The following FUT8 variants were observed in gnomAD, a reference collection of about 807,000 sequenced individuals.
FUT8 encodes fucosyltransferase 8, also known as alpha-(1,6)-fucosyltransferase.
In FUT8, 29 loss-of-function variants were observed where a neutral mutation model predicts 71.3. That is an observed-to-expected ratio of 0.41 (90% confidence interval 0.30 to 0.55). The LOEUF is 0.55. Among genes scored for constraint, FUT8 ranks in the 20% least tolerant of loss-of-function variants. FUT8 has a pLI of 0.34. For missense variants in FUT8, 544 were observed against 702.1 expected (o/e 0.77, Z 2.55); for synonymous variants, 254 against 239.3 (o/e 1.06, Z -0.57).
chr14:65,586,858 G>T (rs1440776939), intron 3 of FUT8, among the ~76,000 whole-genome samples: 1 of 152,086 alleles, frequency 6.6e-6, no homozygotes, highest in African/African-American at 2.4e-5. Context: ...TATTTGAGGG[G>T]TTTTCCCCCC....
At chr14:65,718,026 A>G (rs190435416) in intron 7 of FUT8, among the ~76,000 whole-genome samples, 137 of 152,086 alleles carry the variant, frequency 9.0e-4, no homozygotes, top group African/African-American at 2.9e-3. Flanking sequence ...CAGCCACTCT[A>G]TGTCTTTTGA....
chr14:65,740,029 A>G (rs1896414868), intron 10 of FUT8, among the ~76,000 whole-genome samples: 1 of 151,966 alleles, frequency 6.6e-6, no homozygotes, highest in Non-Finnish European at 1.5e-5. Context: ...TTAATTATTT[A>G]GTTTCTTCTT....
intron 2 of FUT8, among the ~76,000 whole-genome samples, chr14:65,463,197 T>C (rs1201929823): frequency 1.3e-5 from 2 of 152,196 alleles, no homozygotes. Flanking sequence ...AATAAAAAGA[T>C]ATACCTCTAT....
intron 3 of FUT8, among the ~76,000 whole-genome samples, chr14:65,611,082 A>G (rs750927693): frequency 3.4e-4 from 51 of 151,480 alleles, no homozygotes; most frequent in Admixed American, 5.9e-4. Context: ...GGGGTTGGCA[A>G]ACTATGGCTC....
At chr14:65,389,300 C>T in the FUT8 span, among the ~76,000 whole-genome samples, 2 of 151,846 alleles carry the variant, frequency 1.3e-5, no homozygotes, top group African/African-American at 4.8e-5. Context: ...CCTAAACTTC[C>T]CTGGGCTCAA....
intron 5 of FUT8, among the ~76,000 whole-genome samples, chr14:65,626,731 G>C (rs1889913639): frequency 6.6e-6 from 1 of 152,088 alleles, no homozygotes; most frequent in Non-Finnish European, 1.5e-5. Context: ...TTTTCTCTAA[G>C]TACTCTTGGA....
chr14:65,611,984 TA>T (rs1889024689), intron 3 of FUT8, among the ~76,000 whole-genome samples: 1 of 152,200 alleles, frequency 6.6e-6, no homozygotes, highest in Admixed American at 6.5e-5. Context: ...ACATCTTTTT[TA>T]TATCTTCCCT....
chr14:65,636,923 CG>C (rs1249648439), intron 6 of FUT8, among the ~76,000 whole-genome samples: 2 of 152,142 alleles, frequency 1.3e-5, no homozygotes, highest in African/African-American at 4.8e-5. Context: ...TTATAATACT[CG>C]GATTGAAGAC....
At chr14:65,486,366 C>T (rs956955857) in intron 2 of FUT8, among the ~76,000 whole-genome samples, 5 of 152,100 alleles carry the variant, frequency 3.3e-5, no homozygotes, top group African/African-American at 4.8e-5. Context: ...GTTTAGAGAA[C>T]GCATTGTGAT....
chr14:65,488,797 A>C (rs1297776305), intron 2 of FUT8, among the ~76,000 whole-genome samples: 3 of 152,150 alleles, frequency 2.0e-5, no homozygotes, highest in African/African-American at 4.8e-5. Flanking sequence ...GAAAGTGTGA[A>C]TATTTGGCCA....
chr14:65,576,318 ACT>A (rs1236169867), intron 3 of FUT8, among the ~76,000 whole-genome samples: 1 of 152,126 alleles, frequency 6.6e-6, no homozygotes, highest in Non-Finnish European at 1.5e-5. Flanking sequence ...TACATAGTTT[ACT>A]CTCTGACCCT....
chr14:65,715,451 C>G (rs1477056961), intron 7 of FUT8, among the ~76,000 whole-genome samples: 1 of 152,138 alleles, frequency 6.6e-6, no homozygotes, highest in African/African-American at 2.4e-5. Context: ...ATGATTGTTT[C>G]AGTTTCATTT....
At chr14:65,701,731 T>C (rs11628765) in intron 7 of FUT8, among the ~76,000 whole-genome samples, 53,761 of 152,096 alleles carry the variant, frequency 0.35, 11,841 homozygotes, top group Non-Finnish European at 0.5. Context: ...CTATACATGA[T>C]GATGCATGTT....
At chr14:65,656,495 A>G (rs1891687612) in intron 6 of FUT8, among the ~76,000 whole-genome samples, 1 of 152,248 alleles carries the variant, frequency 6.6e-6, no homozygotes, top group South Asian at 2.1e-4. Context: ...AACATAAAAA[A>G]TGGAAAGATA....
chr14:65,575,069 TTTATTTTATTTTA>T (rs1274870846), intron 3 of FUT8, among the ~76,000 whole-genome samples: 3 of 151,492 alleles, frequency 2.0e-5, no homozygotes, highest in Non-Finnish European at 4.4e-5. Context: ...ATTCCTGTAT[TTTATTTTATTTTA>T]TTATTTTATT....
intron 2 of FUT8, among the ~76,000 whole-genome samples, chr14:65,534,556 T>TC (rs948524815): frequency 2.0e-5 from 3 of 150,432 alleles, no homozygotes; most frequent in Admixed American, 1.3e-4. Context: ...TTTCTTTTTT[T>TC]TTTTTTTTTG....
intron 7 of FUT8, among the ~76,000 whole-genome samples, chr14:65,708,196 G>T (rs956430848): frequency 2.6e-5 from 4 of 152,150 alleles, no homozygotes; most frequent in African/African-American, 9.7e-5. Flanking sequence ...ATGATAGTGA[G>T]TTATCACAAG....
At chr14:65,690,524 C>T (rs544938802) in intron 7 of FUT8, among the ~76,000 whole-genome samples, 1 of 152,054 alleles carries the variant, frequency 6.6e-6, no homozygotes, top group East Asian at 1.9e-4. Flanking sequence ...TGGAATAGCT[C>T]TTTATTTATT....
intron 1 of FUT8, among the ~76,000 whole-genome samples, chr14:65,416,386 C>G (rs1474550971): frequency 6.6e-6 from 1 of 151,448 alleles, no homozygotes; most frequent in Non-Finnish European, 1.5e-5. Context: ...CTCCTGGGCT[C>G]AAGCAATCCT....
Sources: allele counts gnomAD v4.1 joint callset (sites outside exome capture counted in the v4.1 genomes callset), GRCh38; gene constraint gnomAD v4.1.1; transcripts MANE v1.5; gene names NCBI Gene and HGNC (gene_info 2026-07-23, HGNC 2026-07-21).